APOBEC3G: variants seen among roughly 807,000 people sequenced by gnomAD.
APOBEC3G encodes the protein DNA dC->dU-editing enzyme APOBEC-3G.
In APOBEC3G, 44 loss-of-function variants were observed where a neutral mutation model predicts 50.0. The observed-to-expected ratio is 0.88, with a 90% CI of 0.69 to 1.13. The LOEUF is 1.13. Ranked by LOEUF, APOBEC3G falls within the 50% of genes most tolerant of loss-of-function variation. APOBEC3G has a pLI of 0.00. For missense variants in APOBEC3G, 469 were observed against 492.0 expected, an observed-to-expected ratio of 0.95 and a Z score of 0.44; for synonymous variants, 156 against 175.3, an observed-to-expected ratio of 0.89 and a Z score of 0.87.
intron 1 of APOBEC3G, among the ~76,000 whole-genome samples, chr22:39,078,063 C>T (rs1013005512): frequency 1.1e-4 from 17 of 152,164 alleles, no homozygotes; most frequent in Admixed American, 1.1e-3. Context: ...AGTTCAAGAC[C>T]AGCCTGACCA....
At chr22:39,077,248 C>G (rs906717989), upstream of APOBEC3G, 32 of 1,540,734 alleles carry the variant, frequency 2.1e-5, no homozygotes, top group Non-Finnish European at 2.6e-5. Flanking sequence ...GCCATGACTA[C>G]GAGGCCCTGG....
Position 39,086,503 on chromosome 22 carries a change from A to C in APOBEC3G, c.960A>C (p.Arg320Ser). The C allele has an allele frequency of 1.2e-6, 2 of 1,614,070 alleles. No individual in the cohort carries two copies. The highest frequency in any genetic ancestry group is 1.7e-6 in the Non-Finnish European group (2 of 1,179,916). Residue 320 changes from arginine to serine, a missense_variant, in exon 6 of 8, where the codon AGA becomes AGC. Arg to Ser is a moderately radical substitution (Grantham distance 110). Transcript: ENST00000407997. ...FTARIYDDQG[R>S]CQEGLRTLAE... ...CCCGCATCTATGATGATCAAGGAAG[A>C]TGTCAGGAGGGGCTGCGCACCCTGG...
rs56406663 is a variant in APOBEC3G at position 39,079,057 on chromosome 22, C to A, written c.143C>A (p.Pro48His). 1.8e-5 allele frequency: 29 copies of A among 1,613,888 alleles called. No homozygotes were observed. Among genetic ancestry groups the A allele is most frequent in the Admixed American group, 3.3e-5 (2 of 59,998 alleles). ...AAAACAAAGGGTCCCTCAAGGCCCC[C>A]TTTGGACGCAAAGATCTTTCGAGGC... is the stretch of plus-strand genomic sequence containing the variant. ...EVKTKGPSRP[P>H]LDAKIFRGQV... Residue 48 changes from proline to histidine, a missense_variant, in exon 2 of 8, where the codon CCT becomes CAT. Transcript: ENST00000407997.
upstream of APOBEC3G, chr22:39,077,109 C>T: frequency 1.6e-6 from 1 of 609,452 alleles, no homozygotes; most frequent in Non-Finnish European, 2.9e-6. Flanking sequence ...CACAGAGCGG[C>T]CTGTCTTTAT....
At chr22:39,079,310 CTTTTCTT>C in intron 2 of APOBEC3G, 1 of 558,182 alleles carries the variant, frequency 1.8e-6, no homozygotes, top group Admixed American at 3.9e-5. Context: ...TTTTTCTTTT[CTTTTCTT>C]TTTTCTTTTT....
intron 4 of APOBEC3G, 134 bp downstream of exon 4, chr22:39,081,719 C>T: frequency 1.4e-6 from 1 of 696,702 alleles, no homozygotes; most frequent in Non-Finnish European, 2.4e-6. Flanking sequence ...CCCTGCCTGC[C>T]CTCGTGGTTA....
At position 39,083,822 on chromosome 22, in the gene APOBEC3G, G is replaced by GAGC. The variant is rs2146298848; in HGVS notation, c.674_676dup (p.Glu225_Arg226insGln). On this transcript the variant is annotated inframe_insertion, in exon 5 of 8. Coordinates refer to ENST00000407997, the MANE Select transcript of APOBEC3G (RefSeq NM_021822.4). ...TGAGACTTACCTGTGTTATGAGGTG[G>GAGC]AGCGCATGCACAATGACACCTGGGT... 6.2e-7 allele frequency: 1 copy of GAGC among 1,614,026 alleles called. No homozygotes were observed. The highest frequency in any genetic ancestry group is 2.2e-5 in the East Asian group (1 of 44,886).
intron 1 of APOBEC3G, 81 bp from the exon 2 acceptor site, chr22:39,078,851 G>A: frequency 2.5e-6 from 4 of 1,572,420 alleles, no homozygotes; most frequent in Non-Finnish European, 3.5e-6. Context: ...GCCGTCCAGG[G>A]GGCTGTGTTT....
chr22:39,087,037 G>C lies in APOBEC3G; in HGVS notation c.1051G>C (p.Val351Leu). The part of the protein sequence containing the change: ...SEFKHCWDTF[V>L]DHQGCPFQPW... ...ATTTAAGCACTGCTGGGACACCTTTGTGGACCACCAGGGATGTCCCTTCCA... is the reference window on the plus strand; with the variant it reads ...ATTTAAGCACTGCTGGGACACCTTTCTGGACCACCAGGGATGTCCCTTCCA... The change falls in exon 7 of 8, where the codon GTG becomes CTG. Residue 351 changes from valine to leucine, a missense_variant. Val to Leu is a conservative substitution (Grantham distance 32, BLOSUM62 1). Coordinates refer to ENST00000407997, the MANE Select transcript of APOBEC3G (RefSeq NM_021822.4). 1 of 1,612,164 alleles carries C rather than the reference G, an allele frequency of 6.2e-7. No homozygotes were observed. Among genetic ancestry groups the C allele is most frequent in the East Asian group, 2.2e-5 (1 of 44,842 alleles).
chr22:39,077,209 C>T, upstream of APOBEC3G: 1 of 1,352,290 alleles, frequency 7.4e-7, no homozygotes, highest in South Asian at 1.3e-5. Context: ...GGGCCTCCTA[C>T]ACCAGCGCCT....
chr22:39,086,009 C>T (rs1282971595), intron 5 of APOBEC3G, among the ~76,000 whole-genome samples: 1 of 151,296 alleles, frequency 6.6e-6, no homozygotes, highest in East Asian at 2.0e-4. Context: ...TCCTGACTCA[C>T]TAAAAATTCC....
chr22:39,087,383 C>T (rs868100936), intron 7 of APOBEC3G, 24 bp from the exon 8 acceptor site: 3 of 1,614,136 alleles, frequency 1.9e-6, no homozygotes, highest in Non-Finnish European at 1.7e-6. Context: ...CCCTTTGCTC[C>T]ATTCAACCTC....
At position 39,087,046 on chromosome 22, in the gene APOBEC3G, C is replaced by A. The variant is rs767045111; in HGVS notation, c.1060C>A (p.Gln354Lys). 2 of 1,612,944 alleles carry A rather than the reference C, an allele frequency of 1.2e-6. No individual in the cohort carries two copies. Among genetic ancestry groups the A allele is most frequent in the South Asian group, 2.2e-5 (2 of 90,990 alleles). Residue 354 changes from glutamine (Q) to lysine (K), a missense_variant, in exon 7 of 8, where the codon CAG becomes AAG. Physicochemically the swap from Gln to Lys is moderately conservative, Grantham distance 53. Transcript: ENST00000407997. ...CTGCTGGGACACCTTTGTGGACCAC[C>A]AGGGATGTCCCTTCCAGCCCTGGGA... ...KHCWDTFVDH[Q>K]GCPFQPWDGL...
rs140066240 is a variant in APOBEC3G at position 39,081,096 on chromosome 22, C to A, written c.335C>A (p.Pro112Gln). 1.3e-4 allele frequency: 207 copies of A among 1,614,076 alleles called. No individual in the cohort carries two copies. The highest frequency in any genetic ancestry group is 8.2e-4 in the Middle Eastern group (5 of 6,084). Reference protein sequence around the residue: ...RDMATFLAEDPKVTLTIFVAR... With the variant: ...RDMATFLAEDQKVTLTIFVAR... The stretch of plus-strand genomic sequence containing the variant: ...ATGGCCACGTTCCTGGCCGAGGACC[C>A]GAAGGTTACCCTGACCATCTTTGTT... The change falls in exon 3 of 8, where the codon CCG (proline) becomes CAG (glutamine). Residue 112 changes from proline to glutamine, a missense_variant. By Grantham distance (76) the Pro-to-Gln change is moderately conservative. Coordinates refer to ENST00000407997, the MANE Select transcript of APOBEC3G (RefSeq NM_021822.4).
At chr22:39,084,389 T>G (rs531394002) in intron 5 of APOBEC3G, among the ~76,000 whole-genome samples, 1 of 152,180 alleles carries the variant, frequency 6.6e-6, no homozygotes, top group East Asian at 1.9e-4. Flanking sequence ...TAGCCAGGTG[T>G]GGTGGCAGGC....
At chr22:39,081,648 C>T (rs1928465096) in intron 4 of APOBEC3G, 63 bp downstream of exon 4, 1 of 1,363,942 alleles carries the variant, frequency 7.3e-7, no homozygotes, top group Non-Finnish European at 1.0e-6. Context: ...CCTCTTGAGG[C>T]CTCCCCTCTG....
chr22:39,084,571 C>T (rs1928615278), intron 5 of APOBEC3G, among the ~76,000 whole-genome samples: 1 of 152,176 alleles, frequency 6.6e-6, no homozygotes, highest in African/African-American at 2.4e-5. Flanking sequence ...CCAGGATCCC[C>T]TCACAGACAC....
chr22:39,087,433 C>T lies in APOBEC3G; in HGVS notation c.*12C>T, dbSNP rs367547786. On this transcript the variant is annotated 3_prime_UTR_variant, in exon 8 of 8. Coordinates refer to ENST00000407997, the MANE Select transcript of APOBEC3G (RefSeq NM_021822.4). ...ATCAGGAAAACTGAAGGATGGGCCT[C>T]AGTCTCTAAGGAAGGCAGAGACCTG... 125 of 1,613,850 alleles carry T rather than the reference C, an allele frequency of 7.7e-5. No homozygotes were observed. The highest frequency in any genetic ancestry group is 1.6e-4 in the Middle Eastern group (1 of 6,076).
intron 1 of APOBEC3G, 140 bp from the exon 2 acceptor site, chr22:39,078,792 A>G (rs1928286359): frequency 8.0e-7 from 1 of 1,251,182 alleles, no homozygotes. Flanking sequence ...GGCTCACTAC[A>G]GTCTCCGCCG....
Sources: gnomAD v4.1 joint callset for allele counts (sites outside exome capture counted in the v4.1 genomes callset) on GRCh38, gnomAD v4.1.1 for gene constraint, MANE v1.5 for transcripts, NCBI Gene and HGNC (gene_info 2026-07-23, HGNC 2026-07-21) for gene names.